Variants in PKIB observed in about 807,000 individuals in gnomAD.
PKIB encodes the protein cAMP-dependent protein kinase inhibitor beta, also known as PKI-beta.
In PKIB, 2 loss-of-function variants were observed where a neutral mutation model predicts 4.5. That is an observed-to-expected ratio of 0.44 (90% CI 0.18 to 1.39). The LOEUF (loss-of-function observed/expected upper bound fraction) is 1.39. PKIB is among the 40% of genes most tolerant of loss of function. The probability of loss-of-function intolerance (pLI) is 0.27; values close to 1 mark genes in which losing one functional copy is unlikely to be tolerated. For synonymous variants in PKIB, 38 were observed against 36.0 expected (o/e 1.06, Z -0.20); for missense variants, 94 against 92.6 (o/e 1.02, Z -0.06).
intron 3 of PKIB, among the ~76,000 whole-genome samples, chr6:122,696,180 A>G (rs560764565): frequency 2.4e-4 from 37 of 152,370 alleles, no homozygotes; most frequent in South Asian, 1.4e-3. Context: ...ATTTATGACA[A>G]TAGCCTGACT....
intron 1 of PKIB, among the ~76,000 whole-genome samples, chr6:122,623,351 T>G (rs1775313154): frequency 6.6e-6 from 1 of 152,206 alleles, no homozygotes; most frequent in Non-Finnish European, 1.5e-5. Context: ...AGCAATGGGT[T>G]CTTCTTAAGA....
chr6:122,603,504 A>C (rs1220547516), intron 3 of PKIB, among the ~76,000 whole-genome samples: 1 of 152,146 alleles, frequency 6.6e-6, no homozygotes, highest in Non-Finnish European at 1.5e-5. Context: ...TTTGAGACAG[A>C]GTCTCACTCT....
intron 1 of PKIB, among the ~76,000 whole-genome samples, chr6:122,625,253 C>A (rs1279678620): frequency 6.6e-6 from 1 of 152,050 alleles, no homozygotes; most frequent in Admixed American, 6.5e-5. Context: ...TTTATCAGTT[C>A]CTTTTTATTC....
chr6:122,583,450 A>G (rs1027968291), intron 2 of PKIB, among the ~76,000 whole-genome samples: 23 of 152,196 alleles, frequency 1.5e-4, no homozygotes, highest in African/African-American at 5.5e-4. Flanking sequence ...CCTAAAATTC[A>G]TCTTGCAAAA....
intron 2 of PKIB, among the ~76,000 whole-genome samples, chr6:122,540,257 T>C (rs1777551224): frequency 6.6e-6 from 1 of 152,058 alleles, no homozygotes; most frequent in African/African-American, 2.4e-5. Flanking sequence ...TTTCTAGTTC[T>C]TTTAATTGTG....
intron 2 of PKIB, among the ~76,000 whole-genome samples, chr6:122,513,055 G>A (rs1337785950): frequency 6.6e-6 from 1 of 152,162 alleles, no homozygotes; most frequent in East Asian, 1.9e-4. Context: ...CATGCCTGAT[G>A]TGGACACATC....
intron 2 of PKIB, among the ~76,000 whole-genome samples, chr6:122,580,284 C>T (rs2114708482): frequency 6.6e-6 from 1 of 152,154 alleles, no homozygotes; most frequent in Non-Finnish European, 1.5e-5. Flanking sequence ...TTATAAATTA[C>T]AGAAAACAAA....
chr6:122,543,222 G>C (rs1005543200), intron 2 of PKIB, among the ~76,000 whole-genome samples: 2 of 152,050 alleles, frequency 1.3e-5, no homozygotes, highest in Non-Finnish European at 2.9e-5. Context: ...TGCACCCACT[G>C]TCTGGAGCTC....
chr6:122,478,312 A>G (rs1775505619), intron 2 of PKIB: 1 of 152,150 alleles, frequency 6.6e-6, no homozygotes, highest in Non-Finnish European at 1.5e-5. Context: ...GGCAGAATCC[A>G]GTCTTTCTAG....
chr6:122,526,681 G>A (rs957788998), intron 2 of PKIB, among the ~76,000 whole-genome samples: 1 of 152,050 alleles, frequency 6.6e-6, no homozygotes, highest in African/African-American at 2.4e-5. Flanking sequence ...AGGCTTTGTT[G>A]TTTCATTTAT....
chr6:122,523,552 G>A (rs1434489971), intron 2 of PKIB, among the ~76,000 whole-genome samples: 2 of 152,140 alleles, frequency 1.3e-5, no homozygotes, highest in Non-Finnish European at 2.9e-5. Flanking sequence ...GGAGGCTGAG[G>A]CAGGTGGCTC....
At chr6:122,561,862 C>T (rs1773021706) in intron 2 of PKIB, among the ~76,000 whole-genome samples, 1 of 151,924 alleles carries the variant, frequency 6.6e-6, no homozygotes, top group Non-Finnish European at 1.5e-5. Flanking sequence ...TGAGTTCTTA[C>T]CCATTCCATG....
chr6:122,726,247 T>A lies in PKIB; in HGVS notation c.*1052T>A, dbSNP rs1353284595. The stretch of plus-strand genomic sequence containing the variant: ...AATTCTGAAGTTTTAAAAATGTCAG[T>A]AATTAATTTATTTTCATTTTCAGAA... On this transcript the variant is annotated 3_prime_UTR_variant, in exon 5 of 5. Transcript: ENST00000368452. 6.6e-6 allele frequency: 1 copy of A among 152,156 alleles called. No individual in the cohort carries two copies. The allele number at this position is 152,156 out of a possible 1,614,324, so 9.4% of individuals were successfully genotyped here.
At chr6:122,670,670 G>T (rs1777428257) in intron 2 of PKIB, among the ~76,000 whole-genome samples, 1 of 152,158 alleles carries the variant, frequency 6.6e-6, no homozygotes, top group South Asian at 2.1e-4. Context: ...GTATATGTAT[G>T]TTGAGTACTT....
chr6:122,473,893 G>A (rs558177183), intron 1 of PKIB, among the ~76,000 whole-genome samples: 45 of 152,306 alleles, frequency 3.0e-4, no homozygotes, highest in African/African-American at 1.1e-3. Flanking sequence ...AGCACTTTAG[G>A]TGGCTGAGGC....
intron 4 of PKIB, 149 bp downstream of exon 4, chr6:122,718,112 A>G (rs990705154): frequency 1.3e-6 from 1 of 769,886 alleles, no homozygotes; most frequent in African/African-American, 1.7e-5. Context: ...AAGGCTTAGT[A>G]GATGTTCAGC....
intron 3 of PKIB, among the ~76,000 whole-genome samples, chr6:122,603,238 TC>T (rs1774432203): frequency 6.6e-6 from 1 of 152,154 alleles, no homozygotes; most frequent in Non-Finnish European, 1.5e-5. Flanking sequence ...ATAAATAATA[TC>T]TAATACGAAT....
At chr6:122,488,781 G>C (rs1775849170) in intron 2 of PKIB, among the ~76,000 whole-genome samples, 2 of 152,114 alleles carry the variant, frequency 1.3e-5, no homozygotes, top group African/African-American at 4.8e-5. Context: ...TTGCTTCTAG[G>C]CTTTCCCACC....
intron 3 of PKIB, among the ~76,000 whole-genome samples, chr6:122,690,063 A>T (rs1778263352): frequency 6.6e-6 from 1 of 151,860 alleles, no homozygotes; most frequent in South Asian, 2.1e-4. Flanking sequence ...ATATAAGTAT[A>T]GTTACTCCTG....
Sources: gnomAD v4.1 joint callset for allele counts (sites outside exome capture counted in the v4.1 genomes callset) on GRCh38, gnomAD v4.1.1 for gene constraint, MANE v1.5 for transcripts, NCBI Gene and HGNC (gene_info 2026-07-23, HGNC 2026-07-21) for gene names.